DIAPH3: variants seen among roughly 807,000 people sequenced by gnomAD.
The protein encoded by DIAPH3 is diaphanous related formin 3.
A neutral mutation model predicts 144.3 loss-of-function variants in DIAPH3; 117 were observed. The ratio of observed to expected loss-of-function variants is 0.81; its 90% CI spans 0.70 to 0.95. The LOEUF (loss-of-function observed/expected upper bound fraction) is 0.95. DIAPH3 is among the 40% of genes least tolerant of loss of function. The pLI, the probability that DIAPH3 is intolerant of heterozygous loss-of-function variation, is 0.00. For synonymous variants in DIAPH3, 519 were observed against 488.9 expected, an observed-to-expected ratio of 1.06 and a Z score of -0.81; for missense variants, 1,421 against 1,412.7, an observed-to-expected ratio of 1.01 and a Z score of -0.09.
intron 3 of DIAPH3, among the ~76,000 whole-genome samples, chr13:60,111,668 C>T (rs1396194447): frequency 2.0e-5 from 3 of 152,178 alleles, no homozygotes; most frequent in Non-Finnish European, 4.4e-5. Context: ...CACCACCCCC[C>T]AAACGCTCAT....
chr13:60,111,991 A>G lies in DIAPH3; in HGVS notation c.390+19T>C, dbSNP rs1383674361. Reference sequence around the variant, plus strand: ...AAGGCTTTTTCCTCAAACATTTCCTAAAGAATCAAAATTCTTACCATCATT... The same window carrying G: ...AAGGCTTTTTCCTCAAACATTTCCTGAAGAATCAAAATTCTTACCATCATT... On this transcript the variant is annotated intron_variant, in intron 3 of 27. Transcript: ENST00000400324. 1.2e-6 allele frequency: 2 copies of G among 1,612,966 alleles called. No homozygotes were observed. Among genetic ancestry groups the G allele is most frequent in the East Asian group, 2.2e-5 (1 of 44,854 alleles).
chr13:59,810,042 A>G (rs2040392226), intron 25 of DIAPH3, among the ~76,000 whole-genome samples: 1 of 152,100 alleles, frequency 6.6e-6, no homozygotes, highest in Non-Finnish European at 1.5e-5. Flanking sequence ...ACATATATAC[A>G]TATGTTTCTG....
intron 17 of DIAPH3, among the ~76,000 whole-genome samples, chr13:59,932,258 A>C (rs1470011701): frequency 6.6e-6 from 1 of 152,156 alleles, no homozygotes; most frequent in African/African-American, 2.4e-5. Flanking sequence ...CTACCTAAAG[A>C]AAAACGTCAA....
intron 20 of DIAPH3, among the ~76,000 whole-genome samples, chr13:59,888,499 C>T (rs1313682858): frequency 6.6e-6 from 1 of 152,080 alleles, no homozygotes; most frequent in Non-Finnish European, 1.5e-5. Context: ...TTTTAGTATT[C>T]TATTTCGTCT....
chr13:60,014,956 T>C (rs932032602), intron 7 of DIAPH3, among the ~76,000 whole-genome samples: 3 of 144,856 alleles, frequency 2.1e-5, no homozygotes, highest in African/African-American at 2.5e-5. Flanking sequence ...AGAATTCCTC[T>C]TTTTTTCTAG....
intron 27 of DIAPH3, among the ~76,000 whole-genome samples, chr13:59,751,633 T>C (rs954370790): frequency 6.6e-6 from 1 of 152,204 alleles, no homozygotes; most frequent in African/African-American, 2.4e-5. Flanking sequence ...TGTCTGTAAT[T>C]GTATGAAAGA....
intron 27 of DIAPH3, among the ~76,000 whole-genome samples, chr13:59,764,273 T>C (rs1342660313): frequency 1.3e-5 from 2 of 151,868 alleles, no homozygotes; most frequent in Non-Finnish European, 2.9e-5. Context: ...TGAGGCAGTA[T>C]AGCATAATGG....
At chr13:60,096,949 A>G (rs192234110) in intron 3 of DIAPH3, among the ~76,000 whole-genome samples, 53 of 152,256 alleles carry the variant, frequency 3.5e-4, no homozygotes, top group Non-Finnish European at 5.9e-4. Flanking sequence ...CTTGCCCTTT[A>G]TAATCATGTG....
Position 60,015,774 on chromosome 13 carries a change from C to CT in DIAPH3, c.771+138dup, listed in dbSNP as rs1465853880. On this transcript the variant is annotated intron_variant, in intron 7 of 27. Coordinates refer to ENST00000400324, the MANE Select transcript of DIAPH3 (RefSeq NM_001042517.2). ...TTCTCCTATTGCAAGACAGTTGAAACTAGAATTCAATAAAATTCAATATTT... is the reference window on the plus strand; with the variant it reads ...TTCTCCTATTGCAAGACAGTTGAAACTTAGAATTCAATAAAATTCAATATTT... 3.7e-6 allele frequency: 3 copies of CT among 800,790 alleles called. No individual in the cohort carries two copies. The African/African-American group carries it at 5.1e-5, about 14-fold the overall frequency. 49.6% of individuals were successfully genotyped at this position (800,790 alleles called of 1,614,324 possible).
intron 20 of DIAPH3, among the ~76,000 whole-genome samples, chr13:59,885,048 A>G (rs1468197920): frequency 2.6e-5 from 4 of 152,176 alleles, no homozygotes; most frequent in Non-Finnish European, 1.5e-5. Context: ...GGCTATAGAC[A>G]TTAGAGACTG....
At chr13:60,106,862 C>T (rs774159496) in intron 3 of DIAPH3, among the ~76,000 whole-genome samples, 20 of 152,086 alleles carry the variant, frequency 1.3e-4, no homozygotes, top group Admixed American at 6.5e-4. Flanking sequence ...CTTAAAAAGT[C>T]TAATACTAAT....
intron 4 of DIAPH3, among the ~76,000 whole-genome samples, chr13:60,053,513 G>A (rs1469435832): frequency 6.6e-6 from 1 of 152,032 alleles, no homozygotes; most frequent in African/African-American, 2.4e-5. Flanking sequence ...GGTACAAAAA[G>A]TAATATACCC....
intron 7 of DIAPH3, among the ~76,000 whole-genome samples, chr13:60,011,074 C>T (rs1050206313): frequency 2.6e-5 from 4 of 151,746 alleles, no homozygotes; most frequent in African/African-American, 9.7e-5. Context: ...CATTGCACTC[C>T]AGCCTGGGCA....
chr13:59,953,123 A>G (rs2140449866), intron 17 of DIAPH3, among the ~76,000 whole-genome samples: 1 of 152,220 alleles, frequency 6.6e-6, no homozygotes, highest in South Asian at 2.1e-4. Flanking sequence ...GAGCATGGGA[A>G]CCTCATTGAG....
At chr13:59,862,799 G>C (rs565482057) in intron 21 of DIAPH3, among the ~76,000 whole-genome samples, 1 of 152,020 alleles carries the variant, frequency 6.6e-6, no homozygotes, top group East Asian at 1.9e-4. Flanking sequence ...AATCACAAAG[G>C]TGATGCATTT....
At chr13:60,152,836 A>C (rs1464134201) in intron 1 of DIAPH3, among the ~76,000 whole-genome samples, 1 of 147,716 alleles carries the variant, frequency 6.8e-6, no homozygotes, top group African/African-American at 2.5e-5. Context: ...GATACTTACT[A>C]ATCACTTTTA....
intron 19 of DIAPH3, 130 bp from the exon 20 acceptor site, chr13:59,911,966 C>G (rs1244136933): frequency 4.7e-5 from 34 of 724,320 alleles, no homozygotes; most frequent in Non-Finnish European, 7.1e-5. Context: ...TAACCTCCCT[C>G]CTAATAAGCC....
At chr13:59,977,257 G>A (rs9570237) in intron 14 of DIAPH3, among the ~76,000 whole-genome samples, 2 of 151,878 alleles carry the variant, frequency 1.3e-5, no homozygotes, top group East Asian at 3.9e-4. Flanking sequence ...GAAAGCTGGG[G>A]AATGATTCCT....
chr13:60,015,834 T>C, intron 7 of DIAPH3, 79 bp downstream of exon 7: 1 of 1,244,386 alleles, frequency 8.0e-7, no homozygotes, highest in South Asian at 1.2e-5. Flanking sequence ...TCAGAACAAT[T>C]TACCATCACT....
Sources: allele counts gnomAD v4.1 joint callset (sites outside exome capture counted in the v4.1 genomes callset), GRCh38; gene constraint gnomAD v4.1.1; transcripts MANE v1.5; gene names NCBI Gene and HGNC (gene_info 2026-07-23, HGNC 2026-07-21).